PLCXD3: variants seen among roughly 807,000 people sequenced by gnomAD.
The protein encoded by PLCXD3 is phosphatidylinositol specific phospholipase C X domain containing 3.
A neutral mutation model predicts 25.5 loss-of-function variants in PLCXD3; 19 were observed. That is an observed-to-expected ratio of 0.75 (90% confidence interval 0.52 to 1.09). The LOEUF (loss-of-function observed/expected upper bound fraction) is 1.09, where lower values mean the gene tolerates loss of function less well. Among genes scored for constraint, PLCXD3 ranks in the 50% least tolerant of loss-of-function variants. The pLI, the probability that PLCXD3 is intolerant of heterozygous loss-of-function variation, is 0.00. For missense variants in PLCXD3, 411 were observed against 388.1 expected, an observed-to-expected ratio of 1.06 and a Z score of -0.50; for synonymous variants, 174 against 137.6, an observed-to-expected ratio of 1.26 and a Z score of -1.85.
At chr5:41,398,452 GT>G (rs1184148903) in intron 1 of PLCXD3, among the ~76,000 whole-genome samples, 1 of 152,134 alleles carries the variant, frequency 6.6e-6, no homozygotes, top group African/African-American at 2.4e-5. Context: ...GGAACTGTGA[GT>G]CAATTAAATT....
intron 1 of PLCXD3, among the ~76,000 whole-genome samples, chr5:41,435,153 C>G (rs1747216844): frequency 6.6e-6 from 1 of 152,150 alleles, no homozygotes; most frequent in Non-Finnish European, 1.5e-5. Context: ...AGTGAGAATA[C>G]TATTTTGTAA....
intron 1 of PLCXD3, among the ~76,000 whole-genome samples, chr5:41,472,043 T>A (rs1748178958): frequency 1.4e-5 from 2 of 147,552 alleles, no homozygotes; most frequent in South Asian, 4.5e-4. Flanking sequence ...CTCTCCTACT[T>A]TGACAACCAA....
intron 1 of PLCXD3, among the ~76,000 whole-genome samples, chr5:41,416,321 T>C (rs1390271933): frequency 3.9e-5 from 6 of 152,244 alleles, no homozygotes; most frequent in Non-Finnish European, 8.8e-5. Context: ...ACTCCAACTT[T>C]ACTTTCAACC....
chr5:41,335,490 A>G (rs184940635), intron 2 of PLCXD3, among the ~76,000 whole-genome samples: 14 of 152,226 alleles, frequency 9.2e-5, no homozygotes, highest in Non-Finnish European at 1.6e-4. Context: ...CAGGTTTAGT[A>G]TTGACTACCT....
chr5:41,353,155 C>G (rs986631246), intron 2 of PLCXD3, among the ~76,000 whole-genome samples: 2 of 149,794 alleles, frequency 1.3e-5, no homozygotes, highest in African/African-American at 4.9e-5. Context: ...TGCAGTGGCG[C>G]GATCTCCGCT....
chr5:41,373,103 A>G (rs318843), intron 2 of PLCXD3, among the ~76,000 whole-genome samples: 93,218 of 151,918 alleles, frequency 0.61, 29,192 homozygotes, highest in South Asian at 0.75. Context: ...GAGATTGGAC[A>G]TGCCTCGTTA....
intron 1 of PLCXD3, among the ~76,000 whole-genome samples, chr5:41,404,809 T>C (rs1438551098): frequency 6.6e-6 from 1 of 152,168 alleles, no homozygotes; most frequent in Non-Finnish European, 1.5e-5. Context: ...AAAGAAAATG[T>C]ATCAAGTCAA....
chr5:41,362,495 A>G (rs1744814140), intron 2 of PLCXD3, among the ~76,000 whole-genome samples: 1 of 152,246 alleles, frequency 6.6e-6, no homozygotes, highest in Non-Finnish European at 1.5e-5. Flanking sequence ...AAATAAGAAC[A>G]TAAATAATAT....
intron 1 of PLCXD3, among the ~76,000 whole-genome samples, chr5:41,466,138 A>T (rs1450667234): frequency 6.6e-6 from 1 of 152,104 alleles, no homozygotes; most frequent in African/African-American, 2.4e-5. Context: ...TAGATTAAAA[A>T]TTTTATTTAA....
At chr5:41,318,508 A>T (rs531997533) in intron 2 of PLCXD3, among the ~76,000 whole-genome samples, 1 of 152,280 alleles carries the variant, frequency 6.6e-6, no homozygotes, top group Admixed American at 6.5e-5. Flanking sequence ...TATGCAAATA[A>T]TGTAAAGTTG....
At chr5:41,431,267 T>C (rs747656343) in intron 1 of PLCXD3, among the ~76,000 whole-genome samples, 2 of 152,206 alleles carry the variant, frequency 1.3e-5, no homozygotes, top group African/African-American at 2.4e-5. Flanking sequence ...ACTGGCCTAT[T>C]CTCTGTTTTG....
chr5:41,446,673 C>G (rs951715011), intron 1 of PLCXD3, among the ~76,000 whole-genome samples: 5 of 151,958 alleles, frequency 3.3e-5, no homozygotes, highest in African/African-American at 9.7e-5. Context: ...GCCATTCAGT[C>G]ATGTGGTGAG....
At chr5:41,406,149 G>GTGAT (rs1413450005) in intron 1 of PLCXD3, among the ~76,000 whole-genome samples, 1 of 151,968 alleles carries the variant, frequency 6.6e-6, no homozygotes, top group Non-Finnish European at 1.5e-5. Flanking sequence ...TTCTCTTTCT[G>GTGAT]TGATTGTCCT....
At chr5:41,370,892 A>G (rs920198572) in intron 2 of PLCXD3, among the ~76,000 whole-genome samples, 1 of 152,326 alleles carries the variant, frequency 6.6e-6, no homozygotes, top group Admixed American at 6.5e-5. Context: ...ATCTTAAAAA[A>G]TCAGCAATTC....
At position 41,394,079 on chromosome 5, in the gene PLCXD3, A is replaced by G. The variant is rs1333376214; in HGVS notation, c.104-11545T>C. ...GAACCAATGAAAAATAATAACTACA[A>G]CAATGTTTCAAGACATAGACAGTAT... On this transcript the variant is annotated intron_variant, in intron 1 of 2. Transcript: ENST00000377801. Among the ~76,000 whole-genome samples the G allele has an allele frequency of 2.0e-5, 3 of 152,336 alleles. No homozygotes were observed. In the South Asian group the frequency reaches 6.2e-4, roughly 32 times the overall value.
chr5:41,313,464 C>T lies in PLCXD3; in HGVS notation c.*153G>A. On this transcript the variant is annotated 3_prime_UTR_variant, in exon 3 of 3. Transcript: ENST00000377801. ...GTAATGAAGAGTATGATTGTAATCA[C>T]TGAAGAAACAGTTTTTCCCCTTTTC... is the stretch of plus-strand genomic sequence containing the variant. 1 of 749,338 alleles carries T rather than the reference C, an allele frequency of 1.3e-6. No individual in the cohort carries two copies. The highest frequency in any genetic ancestry group is 1.9e-5 in the South Asian group (1 of 52,026). The allele number at this position is 749,338 out of a possible 1,614,324, so 46.4% of individuals were successfully genotyped here.
At chr5:41,469,954 G>A (rs983205709) in intron 1 of PLCXD3, among the ~76,000 whole-genome samples, 4 of 152,182 alleles carry the variant, frequency 2.6e-5, no homozygotes, top group African/African-American at 9.7e-5. Flanking sequence ...GAGTGAGATG[G>A]AGAATGAGAA....
intron 1 of PLCXD3, among the ~76,000 whole-genome samples, chr5:41,473,270 T>C (rs1485927320): frequency 6.6e-6 from 1 of 152,084 alleles, no homozygotes; most frequent in Non-Finnish European, 1.5e-5. Context: ...TGAATCAATT[T>C]GCAATCACTT....
Position 41,459,025 on chromosome 5 carries a change from T to A in PLCXD3, c.103+51399A>T, listed in dbSNP as rs563318942. Among the ~76,000 whole-genome samples, 3 of 152,086 alleles carry A rather than the reference T, an allele frequency of 2.0e-5. No homozygotes were observed. In the South Asian group the frequency reaches 6.2e-4, roughly 31 times the overall value. ...TTAGACATTCCTATAGAATATTGCTTGATTTTCTTTTTCTCTCTTGTCTGT... is the reference window on the plus strand; with the variant it reads ...TTAGACATTCCTATAGAATATTGCTAGATTTTCTTTTTCTCTCTTGTCTGT... On this transcript the variant is annotated intron_variant, in intron 1 of 2. Transcript: ENST00000377801.
Sources: gnomAD v4.1 joint callset for allele counts (sites outside exome capture counted in the v4.1 genomes callset) on GRCh38, gnomAD v4.1.1 for gene constraint, MANE v1.5 for transcripts, NCBI Gene and HGNC (gene_info 2026-07-23, HGNC 2026-07-21) for gene names.